TENM1: variants seen among roughly 807,000 people sequenced by gnomAD.
TENM1 encodes teneurin transmembrane protein 1, also known as teneurin-1.
A neutral mutation model predicts 174.8 loss-of-function variants in TENM1; 35 were observed. The observed-to-expected ratio is 0.20, with a 90% CI of 0.15 to 0.27. The LOEUF (loss-of-function observed/expected upper bound fraction) is 0.27, where lower values mean the gene tolerates loss of function less well. TENM1 is among the 10% of genes least tolerant of loss of function. The probability of loss-of-function intolerance (pLI) is 1.00; values close to 1 mark genes in which losing one functional copy is unlikely to be tolerated. For synonymous variants in TENM1, 781 were observed against 798.7 expected, an observed-to-expected ratio of 0.98 and a Z score of 0.37; for missense variants, 1,633 against 2,130.1, an observed-to-expected ratio of 0.77 and a Z score of 4.59.
exon 8 of TENM1, chrX:124,652,064 C>T: frequency 8.3e-7 from 1 of 1,211,540 alleles, no homozygotes; most frequent in Non-Finnish European, 1.1e-6. Flanking sequence ...TGTGTATCAT[C>T]AGAGCCCTTG....
chrX:124,863,018 C>T (rs909687555), intron 3 of TENM1, among the ~76,000 whole-genome samples: 1 of 108,932 alleles, frequency 9.2e-6, no homozygotes, highest in Non-Finnish European at 1.9e-5. Context: ...ACTGGACAAA[C>T]CCTGGGCCAG....
At chrX:124,970,049 C>T in the TENM1 span, among the ~76,000 whole-genome samples, 1 of 111,877 alleles carries the variant, frequency 8.9e-6, no homozygotes, top group Non-Finnish European at 1.9e-5. Context: ...ACACATACTC[C>T]AATCTACTGT....
At chrX:124,955,237 C>A (rs764236854) in intron 1 of TENM1, among the ~76,000 whole-genome samples, 2 of 106,408 alleles carry the variant, frequency 1.9e-5, no homozygotes, top group Admixed American at 9.8e-5. Flanking sequence ...CATTGGCATC[C>A]CCCAAGGATA....
chrX:124,906,627 T>C (rs180762823), intron 1 of TENM1, among the ~76,000 whole-genome samples: 2 of 112,180 alleles, frequency 1.8e-5, no homozygotes, highest in East Asian at 2.8e-4. Flanking sequence ...CAAATGCTCA[T>C]AGAAGCTTTA....
the TENM1 span, among the ~76,000 whole-genome samples, chrX:125,008,260 G>GA: frequency 0.22 from 22,767 of 103,294 alleles, 2,738 homozygotes; most frequent in African/African-American, 0.45. Flanking sequence ...AATGTTAAAC[G>GA]AAAAAAAAAA....
chrX:125,082,903 C>A, the TENM1 span, among the ~76,000 whole-genome samples: 4 of 111,315 alleles, frequency 3.6e-5, no homozygotes, highest in Non-Finnish European at 7.6e-5. Flanking sequence ...GTGTCCATTA[C>A]CTCAAACATC....
chrX:124,532,804 A>G (rs1159093448), intron 15 of TENM1, among the ~76,000 whole-genome samples: 1 of 111,833 alleles, frequency 8.9e-6, no homozygotes, highest in African/African-American at 3.2e-5. Context: ...AAATGTTCCA[A>G]GATTCCCTGT....
chrX:124,598,936 T>C (rs1274131456), intron 11 of TENM1, among the ~76,000 whole-genome samples: 2 of 112,041 alleles, frequency 1.8e-5, no homozygotes, highest in African/African-American at 6.5e-5. Context: ...AAAAGATAAA[T>C]GCTTGAGATA....
chrX:124,893,272 G>A (rs2057505125), intron 3 of TENM1, among the ~76,000 whole-genome samples: 1 of 112,191 alleles, frequency 8.9e-6, no homozygotes, highest in African/African-American at 3.2e-5. Context: ...TTTACATATT[G>A]CATACACACA....
intron 11 of TENM1, among the ~76,000 whole-genome samples, chrX:124,640,615 A>G (rs999390974): frequency 3.6e-5 from 4 of 112,031 alleles, no homozygotes; most frequent in African/African-American, 1.3e-4. Flanking sequence ...ATGTGCACAC[A>G]TATCTACATC....
intron 15 of TENM1, among the ~76,000 whole-genome samples, chrX:124,531,885 T>C (rs1256710884): frequency 1.8e-5 from 2 of 112,571 alleles, no homozygotes; most frequent in African/African-American, 6.5e-5. Flanking sequence ...TCTGATTTTA[T>C]ACAGTAACCT....
chrX:125,201,143 C>T, the TENM1 span, among the ~76,000 whole-genome samples: 2 of 111,689 alleles, frequency 1.8e-5, no homozygotes, highest in Non-Finnish European at 3.8e-5. Context: ...AACTTGAATG[C>T]TAGACTGTTC....
the TENM1 span, among the ~76,000 whole-genome samples, chrX:125,075,765 T>G: frequency 9.0e-6 from 1 of 111,385 alleles, no homozygotes; most frequent in Non-Finnish European, 1.9e-5. Flanking sequence ...AGAGCCTGCA[T>G]TTTAACCCAA....
At chrX:125,137,942 T>A in the TENM1 span, among the ~76,000 whole-genome samples, 1 of 112,120 alleles carries the variant, frequency 8.9e-6, no homozygotes, top group Non-Finnish European at 1.9e-5. Flanking sequence ...ATATAACTCA[T>A]GATTAATAAC....
the TENM1 span, among the ~76,000 whole-genome samples, chrX:125,142,579 G>GA: frequency 2.1e-4 from 22 of 104,247 alleles, no homozygotes; most frequent in Middle Eastern, 4.8e-3. Flanking sequence ...TTTTCTTCTT[G>GA]AAAAAAAAAA....
rs988450245 is a variant in TENM1, at chrX:124,701,588, A to T, written c.1015+3425T>A. Among the ~76,000 whole-genome samples the T allele has an allele frequency of 2.5e-4, 28 of 112,481 alleles. 1 individual carries two copies. The highest frequency in any genetic ancestry group is 1.3e-4 in the Non-Finnish European group (7 of 53,276). ...CATCACTGATGCCAAAATATCAGAA[A>T]AGATGAAGCATAAGGACATACTTTT... is the stretch of plus-strand genomic sequence containing the variant. On this transcript the variant is annotated intron_variant, in intron 5 of 31. Coordinates refer to ENST00000422452, the Ensembl canonical transcript of TENM1.
rs376052317 is a variant in TENM1 at position 124,644,146 on chromosome X, T to C, written c.1876+997A>G. ...TATATATGCCATATATATATATAAATTTATATATATATGGCATATATGGCA... is the reference window on the plus strand; with the variant it reads ...TATATATGCCATATATATATATAAACTTATATATATATGGCATATATGGCA... On this transcript the variant is annotated intron_variant, in intron 10 of 31. Coordinates refer to ENST00000422452, the Ensembl canonical transcript of TENM1. Among the ~76,000 whole-genome samples the C allele has an allele frequency of 3.1e-4, 31 of 99,402 alleles. No homozygotes were observed. In the East Asian group the frequency reaches 9.0e-3, roughly 29 times the overall value. The allele number at this position is 99,402 out of a possible 115,157, so 86.3% of individuals were successfully genotyped here.
chrX:124,990,061 A>T, the TENM1 span, among the ~76,000 whole-genome samples: 1 of 111,874 alleles, frequency 8.9e-6, no homozygotes, highest in Non-Finnish European at 1.9e-5. Flanking sequence ...TAAAATTTTT[A>T]AAATACTCTG....
At chrX:124,516,647 C>T (rs753296309) in intron 18 of TENM1, among the ~76,000 whole-genome samples, 1 of 110,789 alleles carries the variant, frequency 9.0e-6, no homozygotes, top group Non-Finnish European at 1.9e-5. Flanking sequence ...TTAAAAAAGT[C>T]AAAAAATAAT....
Sources: gnomAD v4.1 joint callset for allele counts (sites outside exome capture counted in the v4.1 genomes callset) on GRCh38, gnomAD v4.1.1 for gene constraint, MANE v1.5 for transcripts, NCBI Gene and HGNC (gene_info 2026-07-23, HGNC 2026-07-21) for gene names.